Variants in HECW2 observed in about 807,000 individuals in gnomAD.
The protein encoded by HECW2 is E3 ubiquitin-protein ligase HECW2.
HECW2 carries 61 observed loss-of-function variants against 175.2 expected under a neutral mutation model. The ratio of observed to expected loss-of-function variants is 0.35; its 90% CI spans 0.28 to 0.43. The LOEUF (loss-of-function observed/expected upper bound fraction) is 0.43, where lower values mean the gene tolerates loss of function less well. HECW2 is among the 20% of genes least tolerant of loss of function. The probability of loss-of-function intolerance (pLI) is 1.00; values close to 1 mark genes in which losing one functional copy is unlikely to be tolerated. For synonymous variants in HECW2, 671 were observed against 731.0 expected (o/e 0.92, Z 1.32); for missense variants, 1,524 against 2,000.5 (o/e 0.76, Z 4.54).
At chr2:196,415,234 T>C (rs573371774) in intron 2 of HECW2, among the ~76,000 whole-genome samples, 5 of 152,320 alleles carry the variant, frequency 3.3e-5, no homozygotes, top group African/African-American at 1.2e-4. Flanking sequence ...AGGGTACTTA[T>C]ATTCCTCGGT....
At chr2:196,448,035 G>C (rs1386483898) in intron 1 of HECW2, among the ~76,000 whole-genome samples, 1 of 152,148 alleles carries the variant, frequency 6.6e-6, no homozygotes, top group African/African-American at 2.4e-5. Context: ...CTCCATCCTC[G>C]GCAATAGAGG....
chr2:196,220,996 C>A, intron 24 of HECW2, 55 bp from the exon 25 acceptor site: 2 of 1,551,554 alleles, frequency 1.3e-6, no homozygotes, highest in Middle Eastern at 1.7e-4. Context: ...AATGTTATAA[C>A]AACATTACTA....
In HECW2 at chr2:196,200,949, C is replaced by T. The variant is rs1440593248; in HGVS notation, c.*328G>A. 1 of 186,004 alleles carries T rather than the reference C, an allele frequency of 5.4e-6. No individual in the cohort carries two copies. Among genetic ancestry groups the T allele is most frequent in the Admixed American group, 5.6e-5 (1 of 17,784 alleles). 11.5% of individuals were successfully genotyped at this position (186,004 alleles called of 1,614,324 possible). A position where few individuals can be genotyped will look rare whatever the true frequency, so the allele number is the denominator to read the frequency against. ...ACGTTCAAGGGTAAGTTTCAAGATT[C>T]TCCTGAGTCCCTAAAAATTACCGTG... On this transcript the variant is annotated 3_prime_UTR_variant, in exon 29 of 29. Coordinates refer to ENST00000644978, the MANE Select transcript of HECW2 (RefSeq NM_001348768.2).
At chr2:196,547,055 G>A (rs1396542454) in intron 1 of HECW2, among the ~76,000 whole-genome samples, 1 of 152,084 alleles carries the variant, frequency 6.6e-6, no homozygotes, top group African/African-American at 2.4e-5. Flanking sequence ...TTAATAAAAG[G>A]GCCACATTAA....
chr2:196,380,298 C>T (rs938087330), intron 2 of HECW2, among the ~76,000 whole-genome samples: 1 of 152,222 alleles, frequency 6.6e-6, no homozygotes, highest in Non-Finnish European at 1.5e-5. Flanking sequence ...TTAACTTTTA[C>T]TTCCTGCTTG....
chr2:196,257,380 C>T (rs1019603158), intron 18 of HECW2, among the ~76,000 whole-genome samples: 7 of 152,134 alleles, frequency 4.6e-5, no homozygotes, highest in African/African-American at 9.7e-5. Context: ...ATTTCCCAAA[C>T]GTACACCCTC....
chr2:196,329,686 G>A (rs781654467), intron 4 of HECW2, 36 bp from the exon 5 acceptor site: 1 of 1,539,104 alleles, frequency 6.5e-7, no homozygotes, highest in South Asian at 1.1e-5. Context: ...AGTTTCAGAA[G>A]CATATGATGC....
intron 1 of HECW2, among the ~76,000 whole-genome samples, chr2:196,567,401 T>C (rs1446293775): frequency 6.6e-6 from 1 of 152,202 alleles, no homozygotes; most frequent in African/African-American, 2.4e-5. Flanking sequence ...AGAAGTGGTG[T>C]GCTGATGTTA....
intron 2 of HECW2, among the ~76,000 whole-genome samples, chr2:196,376,275 C>T (rs965083759): frequency 6.6e-6 from 1 of 152,138 alleles, no homozygotes; most frequent in African/African-American, 2.4e-5. Context: ...AAAGCCACAT[C>T]AAAAATAATC....
chr2:196,354,648 T>A (rs10170211), intron 2 of HECW2, among the ~76,000 whole-genome samples: 34,111 of 152,182 alleles, frequency 0.22, 4,450 homozygotes, highest in African/African-American at 0.36. Context: ...CAAAGCCTTT[T>A]TAAAGAGATC....
At chr2:196,396,013 A>G (rs1694651922) in intron 2 of HECW2, among the ~76,000 whole-genome samples, 1 of 152,242 alleles carries the variant, frequency 6.6e-6, no homozygotes, top group Admixed American at 6.5e-5. Flanking sequence ...TAGTATATAC[A>G]CACAATGGAA....
intron 1 of HECW2, among the ~76,000 whole-genome samples, chr2:196,586,889 G>C (rs1273570487): frequency 6.6e-6 from 1 of 152,104 alleles, no homozygotes. Flanking sequence ...CAACCATAAA[G>C]TGAAATATCT....
rs1413064220 is a variant in HECW2 at position 196,198,271 on chromosome 2, C to A, written c.*3006G>T. 5 of 152,294 alleles carry A rather than the reference C, an allele frequency of 3.3e-5. No individual in the cohort carries two copies. The East Asian group carries it at 9.6e-4, about 29-fold the overall frequency. The allele number at this position is 152,294 out of a possible 1,614,324, so 9.4% of individuals were successfully genotyped here. A position where few individuals can be genotyped will look rare whatever the true frequency, so the allele number is the denominator to read the frequency against. On this transcript the variant is annotated 3_prime_UTR_variant, in exon 29 of 29. Transcript: ENST00000644978. ...GTGTAAGTGCATCCTGGCTTCAACA[C>A]TTGACCAGTATTGACATACTATTAC...
At chr2:196,308,209 T>C (rs946503931) in intron 10 of HECW2, 124 bp from the exon 11 acceptor site, 2 of 636,490 alleles carry the variant, frequency 3.1e-6, no homozygotes, top group African/African-American at 3.6e-5. Flanking sequence ...ATAACATACA[T>C]CTCACTGCAC....
chr2:196,441,648 T>G (rs1487725067), intron 1 of HECW2, among the ~76,000 whole-genome samples: 1 of 152,142 alleles, frequency 6.6e-6, no homozygotes, highest in Non-Finnish European at 1.5e-5. Flanking sequence ...GGATTTCCCC[T>G]GTGTGTAGCA....
At chr2:196,403,874 A>G (rs1018257027) in intron 2 of HECW2, among the ~76,000 whole-genome samples, 28 of 152,266 alleles carry the variant, frequency 1.8e-4, no homozygotes, top group Admixed American at 7.2e-4. Flanking sequence ...TTCTTCAAGT[A>G]TTCCTTCAGG....
intron 1 of HECW2, among the ~76,000 whole-genome samples, chr2:196,588,757 C>T (rs1179033475): frequency 1.3e-5 from 2 of 152,174 alleles, no homozygotes; most frequent in East Asian, 3.8e-4. Context: ...TCACTTGAGT[C>T]ATAGTTAGAA....
chr2:196,314,255 A>G (rs1236671988), intron 10 of HECW2, among the ~76,000 whole-genome samples: 1 of 152,218 alleles, frequency 6.6e-6, no homozygotes, highest in Non-Finnish European at 1.5e-5. Flanking sequence ...GAAGAAGAGA[A>G]AGCTGAGCAC....
chr2:196,262,356 A>G (rs1204365024), intron 17 of HECW2, among the ~76,000 whole-genome samples: 2 of 152,032 alleles, frequency 1.3e-5, no homozygotes, highest in African/African-American at 2.4e-5. Context: ...AAGAAATTCA[A>G]TTCAACCTCA....
Sources: allele counts gnomAD v4.1 joint callset (sites outside exome capture counted in the v4.1 genomes callset), GRCh38; gene constraint gnomAD v4.1.1; transcripts MANE v1.5; gene names NCBI Gene and HGNC (gene_info 2026-07-23, HGNC 2026-07-21).